MYT1L: variants seen among roughly 807,000 people sequenced by gnomAD.
MYT1L encodes myelin transcription factor 1 like, also known as myelin transcription factor 1-like protein.
Under a neutral mutation model 126.7 loss-of-function variants are expected in MYT1L, and 12 were observed. The observed-to-expected ratio is 0.09, with a 90% CI of 0.06 to 0.15. MYT1L has a LOEUF of 0.15. Among genes scored for constraint, MYT1L ranks in the 10% least tolerant of loss-of-function variants. MYT1L has a pLI of 1.00. For missense variants in MYT1L, 979 were observed against 1,585.2 expected, an observed-to-expected ratio of 0.62 and a Z score of 6.49; for synonymous variants, 541 against 604.2, an observed-to-expected ratio of 0.90 and a Z score of 1.53.
At chr2:2,108,325 T>C (rs963043267) in intron 3 of MYT1L, among the ~76,000 whole-genome samples, 2 of 152,162 alleles carry the variant, frequency 1.3e-5, no homozygotes, top group African/African-American at 4.8e-5. Flanking sequence ...TTCTTAGGAA[T>C]GGACTCAGCA....
chr2:1,999,949 G>A (rs977909757), intron 4 of MYT1L, among the ~76,000 whole-genome samples: 1 of 152,210 alleles, frequency 6.6e-6, no homozygotes, highest in Non-Finnish European at 1.5e-5. Context: ...GTCATATAAA[G>A]CATGCTCATT....
chr2:2,327,468 T>G (rs1573623871), intron 1 of MYT1L, among the ~76,000 whole-genome samples: 2 of 151,674 alleles, frequency 1.3e-5, no homozygotes, highest in African/African-American at 4.8e-5. Flanking sequence ...ACTTTTCAAA[T>G]AAAAAAGAAG....
At chr2:2,241,575 G>A (rs1191529062) in intron 2 of MYT1L, among the ~76,000 whole-genome samples, 1 of 152,148 alleles carries the variant, frequency 6.6e-6, no homozygotes, top group Non-Finnish European at 1.5e-5. Context: ...AGACTCATAA[G>A]GTAGCAGATA....
Position 1,889,370 on chromosome 2 carries a change from G to C in MYT1L, c.2391C>G (p.Ser797=), listed in dbSNP as rs1296616818. The stretch of plus-strand genomic sequence containing the variant: ...TGTTCATCACTGCCTGCTGCTGGGG[G>C]GACATGGGCTCCAGAGGGGTCAGGA... ...CPILTPLEPM[S]PQQQAVMNNR... The change falls in exon 16 of 25, where the codon TCC becomes TCG. Residue 797 remains serine (S), a synonymous_variant. Transcript: ENST00000647738. The surrounding 1 kb of genome is among the most constrained non-coding windows in gnomAD (Gnocchi z 4.1). The C allele has an allele frequency of 6.2e-7, 1 of 1,613,960 alleles. No individual in the cohort carries two copies. The highest frequency in any genetic ancestry group is 8.5e-7 in the Non-Finnish European group (1 of 1,179,904).
chr2:1,899,306 C>G (rs1386383732), intron 14 of MYT1L, among the ~76,000 whole-genome samples: 2 of 152,260 alleles, frequency 1.3e-5, no homozygotes, highest in African/African-American at 4.8e-5. Context: ...CAACGGCACC[C>G]TATGCATGGC....
intron 13 of MYT1L, among the ~76,000 whole-genome samples, chr2:1,909,522 A>G (rs2051584125): frequency 6.6e-6 from 1 of 152,224 alleles, no homozygotes; most frequent in African/African-American, 2.4e-5. Flanking sequence ...CATGTAGATG[A>G]GGATTTCAAA....
At chr2:2,219,251 C>A (rs1192817329) in intron 2 of MYT1L, among the ~76,000 whole-genome samples, 1 of 152,100 alleles carries the variant, frequency 6.6e-6, no homozygotes, top group Non-Finnish European at 1.5e-5. Context: ...ACGGCTAATC[C>A]TACAGCCGCT....
chr2:1,871,946 T>C lies in MYT1L; in HGVS notation c.2711+14593A>G, dbSNP rs538427754. On this transcript the variant is annotated intron_variant, in intron 18 of 24. Coordinates refer to ENST00000647738, the MANE Select transcript of MYT1L (RefSeq NM_001303052.2). ...AGACATGAAACTCGGAAGCGCCACA[T>C]GGATTCTGGAGGAGGCGCATTGTAT... Among the ~76,000 whole-genome samples the C allele has an allele frequency of 1.7e-4, 26 of 152,218 alleles. No homozygotes were observed. In the South Asian group the frequency reaches 4.6e-3, roughly 27 times the overall value.
At chr2:1,931,953 C>G (rs907160342) in intron 9 of MYT1L, among the ~76,000 whole-genome samples, 1 of 152,182 alleles carries the variant, frequency 6.6e-6, no homozygotes. Flanking sequence ...CCCCCCTTCA[C>G]ACATACGTGA....
At chr2:2,111,025 C>T (rs947804295) in intron 3 of MYT1L, among the ~76,000 whole-genome samples, 1 of 152,194 alleles carries the variant, frequency 6.6e-6, no homozygotes, top group Non-Finnish European at 1.5e-5. Flanking sequence ...AGGAACGCGG[C>T]CCTGGAGCCA....
rs115839524 is a variant in MYT1L, at chr2:1,916,952, C to G, written c.1618+253G>C. On this transcript the variant is annotated intron_variant, in intron 11 of 24. Coordinates refer to ENST00000647738, the MANE Select transcript of MYT1L (RefSeq NM_001303052.2). ...GGTCACAGAGCAGGTCAGAGCTGAA[C>G]TCAGGACTAGAACCCAGGCCTGTGC... Among the ~76,000 whole-genome samples the G allele has an allele frequency of 0.014, 2,061 of 152,318 alleles. 54 individuals carry two copies. Among genetic ancestry groups the G allele is most frequent in the African/African-American group, 0.047 (1,942 of 41,560 alleles).
chr2:2,073,918 C>G (rs971802832), intron 3 of MYT1L, among the ~76,000 whole-genome samples: 1 of 152,182 alleles, frequency 6.6e-6, no homozygotes, highest in African/African-American at 2.4e-5. Context: ...ACCCTCAGCA[C>G]TCTGGCCTCC....
chr2:1,976,316 C>T (rs1197527995), intron 8 of MYT1L, among the ~76,000 whole-genome samples: 1 of 152,114 alleles, frequency 6.6e-6, no homozygotes, highest in Non-Finnish European at 1.5e-5. Flanking sequence ...GGATAGCTTT[C>T]ATAGTCAGCA....
chr2:2,241,286 T>TGC (rs1481215466), intron 2 of MYT1L, among the ~76,000 whole-genome samples: 2 of 151,998 alleles, frequency 1.3e-5, no homozygotes, highest in Non-Finnish European at 2.9e-5. Flanking sequence ...TGTGTGTGTG[T>TGC]GTGTGTGTGA....
intron 1 of MYT1L, among the ~76,000 whole-genome samples, chr2:2,310,720 A>G (rs1165127694): frequency 1.3e-5 from 2 of 152,304 alleles, no homozygotes; most frequent in African/African-American, 4.8e-5. Flanking sequence ...TACCACTTCT[A>G]TCAAAGTCCA....
chr2:1,852,069 C>T lies in MYT1L; in HGVS notation c.2712-366G>A, dbSNP rs1453540688. Among the ~76,000 whole-genome samples, 7 of 152,314 alleles carry T rather than the reference C, an allele frequency of 4.6e-5. No homozygotes were observed. Among genetic ancestry groups the T allele is most frequent in the African/African-American group, 1.4e-4 (6 of 41,572 alleles). On this transcript the variant is annotated intron_variant, in intron 18 of 24. Transcript: ENST00000647738. The surrounding 1 kb of genome is among the most constrained non-coding windows in gnomAD (Gnocchi z 4.0). Reference sequence around the variant, plus strand: ...CAGGGCTTGTTACTGCACCAGCCCACGTGGGAAGCAAGGCTCACACATGAA... The same window carrying T: ...CAGGGCTTGTTACTGCACCAGCCCATGTGGGAAGCAAGGCTCACACATGAA...
intron 5 of MYT1L, among the ~76,000 whole-genome samples, chr2:1,984,670 C>T (rs1004407407): frequency 2.0e-4 from 31 of 151,632 alleles, no homozygotes; most frequent in Admixed American, 1.8e-3. Flanking sequence ...CCACCATGCC[C>T]GGCTAATTTT....
intron 1 of MYT1L, among the ~76,000 whole-genome samples, chr2:2,295,828 CAGAG>C (rs992488137): frequency 7.3e-6 from 1 of 136,688 alleles, no homozygotes; most frequent in Non-Finnish European, 1.5e-5. Flanking sequence ...AGGATGTAGA[CAGAG>C]AGAGAGGGGA....
intron 18 of MYT1L, among the ~76,000 whole-genome samples, chr2:1,873,694 C>T (rs747681749): frequency 5.9e-5 from 9 of 152,288 alleles, no homozygotes; most frequent in South Asian, 2.1e-4. Context: ...TGCTGGGGAG[C>T]GCTCAGAGAG....
Sources: gnomAD v4.1 joint callset for allele counts (sites outside exome capture counted in the v4.1 genomes callset) on GRCh38, gnomAD v4.1.1 for gene constraint, Gnocchi (gnomAD v3.1) non-coding constraint, MANE v1.5 for transcripts, NCBI Gene and HGNC (gene_info 2026-07-23, HGNC 2026-07-21) for gene names.